The following KLHL4 variants were observed in gnomAD, a reference collection of about 807,000 sequenced individuals.
KLHL4 encodes kelch-like protein 4.
Under a neutral mutation model 45.8 loss-of-function variants are expected in KLHL4, and 17 were observed. The ratio of observed to expected loss-of-function variants is 0.37; its 90% CI spans 0.25 to 0.56. The LOEUF is 0.56. KLHL4 is among the 20% of genes least tolerant of loss of function. The probability of loss-of-function intolerance (pLI) is 0.79; values close to 1 mark genes in which losing one functional copy is unlikely to be tolerated. For synonymous variants in KLHL4, 224 were observed against 189.9 expected (o/e 1.18, Z -1.47); for missense variants, 544 against 544.9 (o/e 1.00, Z 0.02).
At chrX:87,662,759 C>T (rs1246095319) in intron 9 of KLHL4, among the ~76,000 whole-genome samples, 1 of 109,642 alleles carries the variant, frequency 9.1e-6, no homozygotes, top group Non-Finnish European at 1.9e-5. Context: ...GAAACCCCGT[C>T]TCTACTAAAA....
chrX:87,652,150 G>A (rs912639762), intron 9 of KLHL4, among the ~76,000 whole-genome samples: 5 of 112,538 alleles, frequency 4.4e-5, no homozygotes, highest in Non-Finnish European at 7.5e-5. Flanking sequence ...TGGAGCAGCT[G>A]TAATTGCAGG....
At chrX:87,586,968 G>A (rs1394133836) in intron 1 of KLHL4, among the ~76,000 whole-genome samples, 1 of 108,808 alleles carries the variant, frequency 9.2e-6, no homozygotes, top group Admixed American at 9.9e-5. Context: ...GAATTTAAAG[G>A]ATCAATAGTG....
chrX:87,613,966 A>C lies in KLHL4; in HGVS notation c.512A>C (p.Lys171Thr), dbSNP rs1198863303. Residue 171 changes from lysine to threonine, a missense_variant, in exon 2 of 11, where the codon AAA becomes ACA. Coordinates refer to ENST00000373119, the MANE Select transcript of KLHL4 (RefSeq NM_019117.5). ...VINHAEQTLRKMENYLKEKQL... is the reference protein window; with the variant it reads ...VINHAEQTLRTMENYLKEKQL... Reference sequence around the variant, plus strand: ...AACCACGCAGAGCAAACTCTTCGTAAAATGGAGAACTACTTGAAAGAGAAA... The same window carrying C: ...AACCACGCAGAGCAAACTCTTCGTACAATGGAGAACTACTTGAAAGAGAAA... 2 of 1,208,466 alleles carry C rather than the reference A, an allele frequency of 1.7e-6. No homozygotes were observed. The highest frequency in any genetic ancestry group is 1.1e-6 in the Non-Finnish European group (1 of 892,983).
At chrX:87,595,435 T>C (rs1921812283) in intron 1 of KLHL4, among the ~76,000 whole-genome samples, 1 of 112,111 alleles carries the variant, frequency 8.9e-6, no homozygotes, top group African/African-American at 3.2e-5. Flanking sequence ...ACTTAGTTCA[T>C]CCTGTGTTCT....
intron 9 of KLHL4, among the ~76,000 whole-genome samples, chrX:87,648,146 T>C (rs1923697111): frequency 9.0e-6 from 1 of 111,040 alleles, no homozygotes; most frequent in African/African-American, 3.3e-5. Context: ...ACTGTGTAGT[T>C]ACACCATTTA....
At chrX:87,615,574 C>T (rs1204209827) in intron 3 of KLHL4, among the ~76,000 whole-genome samples, 1 of 110,558 alleles carries the variant, frequency 9.0e-6, no homozygotes, top group Non-Finnish European at 1.9e-5. Context: ...TAGAAACAAC[C>T]CAAATGTTTA....
chrX:87,634,048 G>A, intron 8 of KLHL4, 137 bp downstream of exon 8: 1 of 456,423 alleles, frequency 2.2e-6, no homozygotes, highest in Non-Finnish European at 3.6e-6. Flanking sequence ...GTCTTCATTG[G>A]AACTCTCCAT....
chrX:87,641,362 G>C (rs1333212010), intron 9 of KLHL4, among the ~76,000 whole-genome samples: 2 of 112,051 alleles, frequency 1.8e-5, no homozygotes, highest in Admixed American at 1.9e-4. Context: ...AAATACAGGG[G>C]TAGAGGAAGC....
intron 1 of KLHL4, among the ~76,000 whole-genome samples, chrX:87,572,716 G>A (rs1385101033): frequency 2.8e-5 from 3 of 108,340 alleles, no homozygotes; most frequent in Non-Finnish European, 5.8e-5. Context: ...AACTTATTTT[G>A]ATATTGTCTT....
At chrX:87,603,723 T>G (rs1922093316) in intron 1 of KLHL4, among the ~76,000 whole-genome samples, 1 of 110,619 alleles carries the variant, frequency 9.0e-6, no homozygotes, top group Non-Finnish European at 1.9e-5. Context: ...ATGTATTTAT[T>G]TCTTTGTGCT....
chrX:87,591,909 T>C (rs745346297), intron 1 of KLHL4, among the ~76,000 whole-genome samples: 95 of 111,369 alleles, frequency 8.5e-4, no homozygotes, highest in Non-Finnish European at 1.6e-3. Context: ...TGAGTTGTTA[T>C]TTACTGCAGT....
intron 1 of KLHL4, among the ~76,000 whole-genome samples, chrX:87,529,699 G>A (rs913233676): frequency 4.5e-5 from 5 of 111,535 alleles, no homozygotes; most frequent in African/African-American, 1.6e-4. Flanking sequence ...AAAAATGGCT[G>A]GACATAGCAG....
At chrX:87,625,388 A>G (rs1359088186) in intron 5 of KLHL4, among the ~76,000 whole-genome samples, 1 of 111,473 alleles carries the variant, frequency 9.0e-6, no homozygotes, top group African/African-American at 3.3e-5. Flanking sequence ...TGCAACCACA[A>G]CTGGCTAATT....
chrX:87,661,662 A>G (rs1217993692), intron 9 of KLHL4, among the ~76,000 whole-genome samples: 1 of 112,099 alleles, frequency 8.9e-6, no homozygotes, highest in Non-Finnish European at 1.9e-5. Context: ...TTACATACAT[A>G]TCCTATAAGT....
intron 8 of KLHL4, among the ~76,000 whole-genome samples, chrX:87,634,744 G>A (rs1923205425): frequency 9.0e-6 from 1 of 111,629 alleles, no homozygotes; most frequent in African/African-American, 3.3e-5. Flanking sequence ...GTGTCTTAGA[G>A]CTTAAGCTAC....
chrX:87,647,899 G>T (rs1469798396), intron 9 of KLHL4, among the ~76,000 whole-genome samples: 1 of 111,136 alleles, frequency 9.0e-6, no homozygotes, highest in Non-Finnish European at 1.9e-5. Context: ...AAATTTATTG[G>T]TTTTAAAATC....
chrX:87,607,464 C>T, intron 1 of KLHL4, among the ~76,000 whole-genome samples: 1 of 111,706 alleles, frequency 9.0e-6, no homozygotes, highest in Middle Eastern at 4.6e-3. Flanking sequence ...GCTACTTACC[C>T]AGCTTACACT....
chrX:87,620,603 C>A (rs76514872), intron 4 of KLHL4, among the ~76,000 whole-genome samples: 1 of 111,164 alleles, frequency 9.0e-6, no homozygotes, highest in African/African-American at 3.3e-5. Context: ...TATACAATAT[C>A]GGTACTATAT....
intron 9 of KLHL4, among the ~76,000 whole-genome samples, chrX:87,638,101 C>A (rs1477058447): frequency 9.0e-6 from 1 of 111,349 alleles, no homozygotes; most frequent in Non-Finnish European, 1.9e-5. Flanking sequence ...AATGTCAGAG[C>A]TTGAAGACAA....
Sources: gnomAD v4.1 joint callset for allele counts (sites outside exome capture counted in the v4.1 genomes callset) on GRCh38, gnomAD v4.1.1 for gene constraint, MANE v1.5 for transcripts, NCBI Gene and HGNC (gene_info 2026-07-23, HGNC 2026-07-21) for gene names.